The following TBC1D32 variants were observed in gnomAD, a reference collection of about 807,000 sequenced individuals.
TBC1D32 encodes the protein TBC1 domain family member 32.
TBC1D32 carries 151 observed loss-of-function variants against 170.3 expected under a neutral mutation model. That is an observed-to-expected ratio of 0.89 (90% CI 0.78 to 1.01). TBC1D32 has a LOEUF of 1.01. TBC1D32 is among the 50% of genes least tolerant of loss of function. TBC1D32 has a pLI of 0.00. For missense variants in TBC1D32, 1,464 were observed against 1,457.1 expected (o/e 1.00, Z -0.08); for synonymous variants, 498 against 488.0 (o/e 1.02, Z -0.27).
intron 25 of TBC1D32, among the ~76,000 whole-genome samples, chr6:121,129,428 T>C (rs1781192874): frequency 6.6e-6 from 1 of 152,202 alleles, no homozygotes; most frequent in South Asian, 2.1e-4. Flanking sequence ...ATGCATTTAT[T>C]AGGATGTAGC....
At chr6:121,276,799 A>G (rs1474084140) in intron 15 of TBC1D32, among the ~76,000 whole-genome samples, 1 of 152,202 alleles carries the variant, frequency 6.6e-6, no homozygotes, top group Non-Finnish European at 1.5e-5. Context: ...AAGGAAAATT[A>G]TCAAGGGTAA....
chr6:121,138,901 G>A (rs1782446287), intron 24 of TBC1D32, among the ~76,000 whole-genome samples: 1 of 151,038 alleles, frequency 6.6e-6, no homozygotes, highest in Non-Finnish European at 1.5e-5. Context: ...CTGGAGTGCA[G>A]TAGAGCAATC....
chr6:121,128,906 C>CACT (rs994597472), intron 25 of TBC1D32, among the ~76,000 whole-genome samples: 9 of 152,234 alleles, frequency 5.9e-5, no homozygotes, highest in African/African-American at 2.2e-4. Context: ...GGGAAGTGAG[C>CACT]AAGTCATGAG....
At chr6:121,298,122 TGGGGCC>T (rs1805931757) in intron 10 of TBC1D32, among the ~76,000 whole-genome samples, 1 of 152,064 alleles carries the variant, frequency 6.6e-6, no homozygotes, top group African/African-American at 2.4e-5. Context: ...TTTTCAAAAG[TGGGGCC>T]AAGTTTACTT....
At chr6:121,206,730 G>A (rs1459888171) in intron 21 of TBC1D32, among the ~76,000 whole-genome samples, 1 of 152,126 alleles carries the variant, frequency 6.6e-6, no homozygotes, top group African/African-American at 2.4e-5. Context: ...AATATTAATA[G>A]ACTACCTAGT....
chr6:121,198,439 C>A (rs1791110210), intron 22 of TBC1D32, among the ~76,000 whole-genome samples: 1 of 150,094 alleles, frequency 6.7e-6, no homozygotes, highest in African/African-American at 2.5e-5. Context: ...GCTGGACATA[C>A]AGATATAGGG....
chr6:121,121,755 G>A lies in TBC1D32; in HGVS notation c.2983+4623C>T, dbSNP rs567570089. ...TTCCTTTATTTGACAAACATTTATT[G>A]ACGTTATTGTTCTAGGTGCAGAGAA... On this transcript the variant is annotated intron_variant, in intron 26 of 31. Transcript: ENST00000398212. 1.5e-4 allele frequency among the ~76,000 whole-genome samples: 23 copies of A among 151,906 alleles called. No individual in the cohort carries two copies. The South Asian group carries it at 4.8e-3, about 32-fold the overall frequency.
intron 1 of TBC1D32, among the ~76,000 whole-genome samples, chr6:121,326,227 C>A (rs1314745873): frequency 6.6e-6 from 1 of 151,992 alleles, no homozygotes; most frequent in Non-Finnish European, 1.5e-5. Flanking sequence ...ATAAAAGACA[C>A]ATCAAAAAAA....
At chr6:121,284,021 G>A (rs761089065) in intron 12 of TBC1D32, 111 bp from the exon 13 acceptor site, 31 of 730,578 alleles carry the variant, frequency 4.2e-5, no homozygotes, top group Admixed American at 1.4e-4. Context: ...TACAGACTAC[G>A]AGGCAATCAG....
intron 22 of TBC1D32, among the ~76,000 whole-genome samples, chr6:121,178,868 A>G (rs1788139500): frequency 1.3e-5 from 2 of 152,116 alleles, no homozygotes; most frequent in Non-Finnish European, 2.9e-5. Flanking sequence ...AAAGAACTAA[A>G]CTCAGCCAAC....
chr6:121,133,447 A>G (rs975697463), intron 24 of TBC1D32, among the ~76,000 whole-genome samples: 1 of 152,024 alleles, frequency 6.6e-6, no homozygotes. Context: ...AAGCATATGC[A>G]TGTATATGTG....
At chr6:121,169,604 C>T (rs1331935229) in intron 22 of TBC1D32, among the ~76,000 whole-genome samples, 2 of 152,142 alleles carry the variant, frequency 1.3e-5, no homozygotes, top group African/African-American at 4.8e-5. Flanking sequence ...ATCATAGTTT[C>T]AGTCAAGGTT....
intron 25 of TBC1D32, chr6:121,129,740 G>A (rs914309714): frequency 4.0e-5 from 10 of 248,380 alleles, no homozygotes; most frequent in African/African-American, 1.8e-4. Flanking sequence ...AAGACTTGAT[G>A]ACTAAGAGGA....
intron 24 of TBC1D32, among the ~76,000 whole-genome samples, chr6:121,153,065 T>A (rs1262838012): frequency 6.6e-6 from 1 of 152,194 alleles, no homozygotes; most frequent in East Asian, 1.9e-4. Flanking sequence ...TGTAATCCTT[T>A]GCAGGAGAAA....
rs1375662511 is a variant in TBC1D32 at position 121,106,132 on chromosome 6, C to T, written c.3356G>A (p.Gly1119Asp). 1.3e-6 allele frequency: 2 copies of T among 1,582,380 alleles called. No individual in the cohort carries two copies. The highest frequency in any genetic ancestry group is 2.4e-5 in the South Asian group (2 of 84,922). The change falls in exon 30 of 32, where the codon GGC (glycine) becomes GAC (aspartate). Residue 1119 changes from glycine to aspartate, a missense_variant. Gly to Asp is a moderately conservative substitution (Grantham distance 94). Coordinates refer to ENST00000398212, the MANE Select transcript of TBC1D32 (RefSeq NM_152730.6). ...SYLPNDTVESGIHPVYFCSTH... is the reference protein window; with the variant it reads ...SYLPNDTVESDIHPVYFCSTH... ...GCTGCAAAAATATACTGGATGGATGCCAGATTCTACAGTGTCATTAGGAAG... is the reference window on the plus strand; with the variant it reads ...GCTGCAAAAATATACTGGATGGATGTCAGATTCTACAGTGTCATTAGGAAG...
chr6:121,148,800 G>C (rs1159219938), intron 24 of TBC1D32, among the ~76,000 whole-genome samples: 1 of 152,134 alleles, frequency 6.6e-6, no homozygotes, highest in Non-Finnish European at 1.5e-5. Context: ...TTTTAGTAAA[G>C]ATGTGGTTTC....
In TBC1D32 at chr6:121,091,811, G is replaced by A. The variant is rs549509784; in HGVS notation, c.3466-770C>T. Among the ~76,000 whole-genome samples the A allele has an allele frequency of 1.9e-4, 29 of 152,118 alleles. No individual in the cohort carries two copies. The South Asian group carries it at 5.4e-3, about 28-fold the overall frequency. On this transcript the variant is annotated intron_variant, in intron 30 of 31. Transcript: ENST00000398212. ...AGAACCTCATAATACAACTTTATTC[G>A]AAAATAGGGTCTTTACAGACGTAAT...
intron 22 of TBC1D32, among the ~76,000 whole-genome samples, chr6:121,176,724 G>A (rs1787810107): frequency 6.6e-6 from 1 of 151,964 alleles, no homozygotes; most frequent in African/African-American, 2.4e-5. Flanking sequence ...TCAGCCTCTG[G>A]AGTAGCTGGA....
Position 121,239,205 on chromosome 6 carries a change from C to G in TBC1D32, c.2246-17G>C, listed in dbSNP as rs1040476582. The G allele has an allele frequency of 6.5e-6, 9 of 1,394,092 alleles. No homozygotes were observed. Among genetic ancestry groups the G allele is most frequent in the Non-Finnish European group, 9.1e-6 (9 of 990,254 alleles). The allele number at this position is 1,394,092 out of a possible 1,614,324, so 86.4% of individuals were successfully genotyped here. On this transcript the variant is annotated splice_polypyrimidine_tract_variant and intron_variant, in intron 19 of 31. Transcript: ENST00000398212. Reference sequence around the variant, plus strand: ...TAATAAACCCTAAAAAGAATTATTACTTCAAGTCATTTATAGCATAATATT... The same window carrying G: ...TAATAAACCCTAAAAAGAATTATTAGTTCAAGTCATTTATAGCATAATATT...
Sources: allele counts gnomAD v4.1 joint callset (sites outside exome capture counted in the v4.1 genomes callset), GRCh38; gene constraint gnomAD v4.1.1; transcripts MANE v1.5; gene names NCBI Gene and HGNC (gene_info 2026-07-23, HGNC 2026-07-21).